Variants in MTMR3 observed in about 807,000 individuals in gnomAD.
The protein encoded by MTMR3 is myotubularin related protein 3, also known as phosphatidylinositol-3,5-bisphosphate 3-phosphatase MTMR3.
A neutral mutation model predicts 132.4 loss-of-function variants in MTMR3; 32 were observed. The observed-to-expected ratio is 0.24, with a 90% CI of 0.18 to 0.32. MTMR3 has a LOEUF of 0.32. Ranked by LOEUF, MTMR3 falls within the 10% of genes least tolerant of loss-of-function variation. MTMR3 has a pLI of 1.00. For synonymous variants in MTMR3, 556 were observed against 550.3 expected, an observed-to-expected ratio of 1.01 and a Z score of -0.14; for missense variants, 1,216 against 1,489.6, an observed-to-expected ratio of 0.82 and a Z score of 3.02.
chr22:30,021,569 A>T (rs554579528), intron 17 of MTMR3: 1 of 164,050 alleles, frequency 6.1e-6, no homozygotes, highest in African/African-American at 2.4e-5. Flanking sequence ...GGGCACATCC[A>T]GTGACTTTCA....
intron 3 of MTMR3, chr22:29,978,172 GAAA>G (rs1445356394): frequency 4.0e-6 from 1 of 247,854 alleles, no homozygotes; most frequent in Non-Finnish European, 8.1e-6. Flanking sequence ...CTCAAAAAAA[GAAA>G]AAAAAGTATT....
At chr22:30,022,555 C>A in intron 18 of MTMR3, 54 bp from the exon 19 acceptor site, 2 of 1,497,966 alleles carry the variant, frequency 1.3e-6, no homozygotes, top group Non-Finnish European at 1.9e-6. Context: ...GCTCTGCTGG[C>A]TCCAGCTGGA....
chr22:29,917,023 T>C (rs2065322426), intron 1 of MTMR3, among the ~76,000 whole-genome samples: 2 of 152,200 alleles, frequency 1.3e-5, no homozygotes, highest in South Asian at 4.1e-4. Flanking sequence ...TATCCCAATA[T>C]CTTCAGCAAA....
Position 29,971,045 on chromosome 22 carries a change from T to G in MTMR3, c.-15T>G. On this transcript the variant is annotated 5_prime_UTR_variant, in exon 3 of 20. Coordinates refer to ENST00000401950, the MANE Select transcript of MTMR3 (RefSeq NM_021090.4). ...AAGGGACGGGGATTTCTCCTCCTAA[T>G]CTGGGCCTCTTGTCATGGTAAGTAC... 1 of 1,543,568 alleles carries G rather than the reference T, an allele frequency of 6.5e-7. No homozygotes were observed. The highest frequency in any genetic ancestry group is 1.1e-5 in the South Asian group (1 of 87,272).
chr22:29,939,670 C>T (rs1277604119), intron 1 of MTMR3, among the ~76,000 whole-genome samples: 1 of 151,742 alleles, frequency 6.6e-6, no homozygotes, highest in African/African-American at 2.4e-5. Context: ...AAAATAAGAA[C>T]CGTAATTGGC....
intron 5 of MTMR3, 81 bp from the exon 6 acceptor site, chr22:29,988,399 A>G (rs1020549552): frequency 3.1e-6 from 3 of 972,224 alleles, no homozygotes; most frequent in Non-Finnish European, 4.6e-6. Flanking sequence ...GATCTTTTTA[A>G]TTAGTCTTGT....
At chr22:29,949,042 G>C (rs2066005114) in intron 1 of MTMR3, among the ~76,000 whole-genome samples, 1 of 148,958 alleles carries the variant, frequency 6.7e-6, no homozygotes, top group African/African-American at 2.5e-5. Context: ...ATGCTGCAGT[G>C]AGCCACAATC....
chr22:29,908,770 T>C (rs1406186863), intron 1 of MTMR3, among the ~76,000 whole-genome samples: 1 of 152,192 alleles, frequency 6.6e-6, no homozygotes, highest in African/African-American at 2.4e-5. Context: ...GAACTTTCTA[T>C]TTCTCAGTAA....
At position 30,002,933 on chromosome 22, in the gene MTMR3, A is replaced by G; in HGVS notation, c.611A>G (p.Lys204Arg). 1 of 1,614,056 alleles carries G rather than the reference A, an allele frequency of 6.2e-7. No individual in the cohort carries two copies. The highest frequency in any genetic ancestry group is 8.5e-7 in the Non-Finnish European group (1 of 1,179,970). ...ELIVPAWITD[K>R]ELESVSSFRS... is the part of the protein sequence containing the mutation. ...ATAGTGCCTGCCTGGATCACTGACA[A>G]AGAACTGGAAAGTGTATCAAGTTTC... The change falls in exon 9 of 20, where the codon AAA becomes AGA. Residue 204 changes from lysine (K) to arginine (R), a missense_variant. Physicochemically the swap from Lys to Arg is conservative, Grantham distance 26. Around this residue, in one of 7 missense-constraint regions of MTMR3, gnomAD observed 129 missense variants for 245.7 expected, o/e 0.53. Transcript: ENST00000401950.
At chr22:30,007,343 G>A (rs1385802919) in intron 10 of MTMR3, 24 bp downstream of exon 10, 2 of 1,607,952 alleles carry the variant, frequency 1.2e-6, no homozygotes, top group Admixed American at 1.7e-5. Flanking sequence ...TGGACCCATG[G>A]CAATGATTTT....
chr22:29,886,569 A>G (rs1459762057), intron 1 of MTMR3, among the ~76,000 whole-genome samples: 2 of 152,176 alleles, frequency 1.3e-5, no homozygotes, highest in African/African-American at 2.4e-5. Flanking sequence ...TTTGACCTCA[A>G]GTAGTTTCTC....
intron 1 of MTMR3, among the ~76,000 whole-genome samples, chr22:29,903,231 AT>A (rs2065033487): frequency 6.6e-6 from 1 of 152,146 alleles, no homozygotes; most frequent in Admixed American, 6.6e-5. Flanking sequence ...TCTCAAAAAA[AT>A]AAAATAAAAA....
intron 6 of MTMR3, chr22:29,989,623 T>C (rs1347181903): frequency 6.6e-6 from 1 of 152,210 alleles, no homozygotes; most frequent in Non-Finnish European, 1.5e-5. Context: ...TCATGTTGTG[T>C]TTGTCCAGTA....
At chr22:30,022,225 G>A (rs1015821262) in intron 18 of MTMR3, 86 bp downstream of exon 18, 4 of 1,060,918 alleles carry the variant, frequency 3.8e-6, no homozygotes, top group Non-Finnish European at 5.7e-6. Context: ...CATACCCCTG[G>A]CCAAGGAAGC....
intron 1 of MTMR3, among the ~76,000 whole-genome samples, chr22:29,924,599 G>A (rs1238492987): frequency 6.6e-6 from 1 of 152,186 alleles, no homozygotes; most frequent in Non-Finnish European, 1.5e-5. Flanking sequence ...TGCATAAAAT[G>A]CCATTGGGAT....
In MTMR3 at chr22:29,903,124, G is replaced by A. The variant is rs151029618; in HGVS notation, c.-138+19765G>A. On this transcript the variant is annotated intron_variant, in intron 1 of 19. Coordinates refer to ENST00000401950, the MANE Select transcript of MTMR3 (RefSeq NM_021090.4). Reference sequence around the variant, plus strand: ...CCTTGTAATCCCAGCTACTTGGAGGGTGAGGCATGAGAATCACTTGAACCC... The same window carrying A: ...CCTTGTAATCCCAGCTACTTGGAGGATGAGGCATGAGAATCACTTGAACCC... Among the ~76,000 whole-genome samples the A allele has an allele frequency of 1.4e-4, 21 of 152,288 alleles. No homozygotes were observed. In the East Asian group the frequency reaches 4.1e-3, roughly 30 times the overall value.
intron 7 of MTMR3, chr22:29,997,029 G>A (rs930845878): frequency 1.3e-5 from 2 of 152,234 alleles, no homozygotes; most frequent in African/African-American, 4.8e-5. Flanking sequence ...GAGGCACCGC[G>A]TCTGGCCTAG....
At chr22:29,967,847 G>A (rs1208898877) in intron 2 of MTMR3, among the ~76,000 whole-genome samples, 1 of 150,760 alleles carries the variant, frequency 6.6e-6, no homozygotes, top group East Asian at 1.9e-4. Context: ...TTAGCATAAT[G>A]TTTTCATCTA....
At chr22:29,923,257 G>A (rs1321126464) in intron 1 of MTMR3, among the ~76,000 whole-genome samples, 1 of 148,018 alleles carries the variant, frequency 6.8e-6, no homozygotes, top group East Asian at 2.0e-4. Flanking sequence ...TTTTTTTAGT[G>A]GAGACGGGGT....
Sources: gnomAD v4.1 joint callset for allele counts (sites outside exome capture counted in the v4.1 genomes callset) on GRCh38, gnomAD v4.1.1 for gene constraint, gnomAD v4.1.1 regional missense constraint, MANE v1.5 for transcripts, NCBI Gene and HGNC (gene_info 2026-07-23, HGNC 2026-07-21) for gene names.